ANK1: variants seen among roughly 807,000 people sequenced by gnomAD.
ANK1 encodes the protein ankyrin 1.
Under a neutral mutation model 210.4 loss-of-function variants are expected in ANK1, and 51 were observed. The observed-to-expected ratio is 0.24, with a 90% CI of 0.19 to 0.31. ANK1 has a LOEUF of 0.31. Among genes scored for constraint, ANK1 ranks in the 10% least tolerant of loss-of-function variants. ANK1 has a pLI of 1.00. For synonymous variants in ANK1, 967 were observed against 1,025.9 expected (o/e 0.94, Z 1.10); for missense variants, 2,051 against 2,504.4 (o/e 0.82, Z 3.86).
chr8:41,819,315 C>T (rs2150788045), intron 1 of ANK1, among the ~76,000 whole-genome samples: 1 of 152,320 alleles, frequency 6.6e-6, no homozygotes, highest in African/African-American at 2.4e-5. Context: ...ACTAGGATTA[C>T]AGGCTGAGCC....
rs1850598788 is a variant in ANK1 at position 41,804,264 on chromosome 8, T to C, written c.127-46127A>G. On this transcript the variant is annotated intron_variant, in intron 1 of 42. Transcript: ENST00000265709. The stretch of plus-strand genomic sequence containing the variant: ...TCCCATAGGGCTGCCAACCATCCTC[T>C]TACACTGCAGCTAGCTTTTCCCAGG... Among the ~76,000 whole-genome samples the C allele has an allele frequency of 2.0e-5, 3 of 152,164 alleles. No homozygotes were observed. In the South Asian group the frequency reaches 6.2e-4, roughly 32 times the overall value.
At chr8:41,705,086 G>C (rs1020112565) in intron 18 of ANK1, among the ~76,000 whole-genome samples, 4 of 152,250 alleles carry the variant, frequency 2.6e-5, no homozygotes, top group Non-Finnish European at 5.9e-5. Context: ...GCAAGGGCTT[G>C]GGACATTCGC....
chr8:41,802,596 C>G (rs756559430), upstream of ANK1, among the ~76,000 whole-genome samples: 3 of 152,100 alleles, frequency 2.0e-5, no homozygotes, highest in Non-Finnish European at 4.4e-5. Context: ...TTAATATTGT[C>G]CGCAATAAGT....
At chr8:41,716,893 C>T (rs1303168111) in intron 13 of ANK1, 60 bp downstream of exon 13, 9 of 1,544,194 alleles carry the variant, frequency 5.8e-6, no homozygotes, top group Non-Finnish European at 7.2e-6. Flanking sequence ...GATGGGTTCT[C>T]TGCACAGTGC....
At position 41,797,498 on chromosome 8, in the gene ANK1, C is replaced by T. The variant is rs1380817844; in HGVS notation, c.27+14G>A. 5 of 1,612,404 alleles carry T rather than the reference C, an allele frequency of 3.1e-6. No homozygotes were observed. The highest frequency in any genetic ancestry group is 4.2e-6 in the Non-Finnish European group (5 of 1,178,880). On this transcript the variant is annotated intron_variant, in intron 1 of 42. Coordinates refer to ENST00000289734, the MANE Select transcript of ANK1 (RefSeq NM_000037.4). The surrounding 1 kb of genome is among the most constrained non-coding windows in gnomAD (Gnocchi z 4.0). ...ACATCTCCCCGTCCACCCGAGCAGC[C>T]GCCCAGTACTCACTTCGCGGAAGCC...
Position 41,708,738 on chromosome 8 carries a change from A to G in ANK1, c.1998+40T>C. On this transcript the variant is annotated intron_variant, in intron 17 of 42. Coordinates refer to ENST00000289734, the MANE Select transcript of ANK1 (RefSeq NM_000037.4). ...CAATATGAAGACACCACACGTTGTT[A>G]TCCAGCACTCCAGGGCAGATCCGAA... The G allele has an allele frequency of 1.9e-6, 3 of 1,608,166 alleles. No individual in the cohort carries two copies. The South Asian group carries it at 3.3e-5, about 18-fold the overall frequency.
At chr8:41,838,037 G>C (rs1344237018) in intron 1 of ANK1, among the ~76,000 whole-genome samples, 1 of 152,122 alleles carries the variant, frequency 6.6e-6, no homozygotes, top group Admixed American at 6.5e-5. Flanking sequence ...CCTGCCATTT[G>C]TGGTCCCTCC....
upstream of ANK1, among the ~76,000 whole-genome samples, chr8:41,798,159 G>A (rs1256042361): frequency 6.6e-6 from 1 of 152,022 alleles, no homozygotes; most frequent in East Asian, 2.0e-4. Context: ...CCCTGTCGGC[G>A]CTGCGGGTGT....
intron 1 of ANK1, among the ~76,000 whole-genome samples, chr8:41,859,025 AGGTTCAGCTTGGTGCC>A (rs1812737596): frequency 6.6e-6 from 1 of 152,198 alleles, no homozygotes; most frequent in Non-Finnish European, 1.5e-5. Context: ...TGACCCCACC[AGGTTCAGCTTGGTGCC>A]GCAGGAGAGC....
intron 37 of ANK1, among the ~76,000 whole-genome samples, chr8:41,677,913 G>C: frequency 6.6e-6 from 1 of 152,060 alleles, no homozygotes; most frequent in East Asian, 1.9e-4. Context: ...TTTCTAATAA[G>C]AAATCTGATG....
chr8:41,676,247 T>C (rs1467218855), intron 37 of ANK1, among the ~76,000 whole-genome samples: 2 of 152,242 alleles, frequency 1.3e-5, no homozygotes, highest in Non-Finnish European at 2.9e-5. Context: ...TCACCAACAC[T>C]TGATATGGCC....
At chr8:41,854,952 GAAA>G (rs58277361) in intron 1 of ANK1, among the ~76,000 whole-genome samples, 3 of 129,488 alleles carry the variant, frequency 2.3e-5, no homozygotes, top group African/African-American at 8.1e-5. Context: ...TATCTCAAAA[GAAA>G]AAAAAAAAAA....
rs1340709036 is a variant in ANK1, at chr8:41,717,607, G to A, written c.1302C>T (p.Asn434=). The A allele has an allele frequency of 1.9e-5, 29 of 1,551,314 alleles. No homozygotes were observed. In the East Asian group the frequency reaches 4.9e-4, roughly 26 times the overall value. ...CCCTGCCTGCCTGAGGGCTTACCAC[G>A]TTGGAGACGTTGGGCGACGCCCCCC... ...LQRGASPNVS[N]VKVETPLHMA... Residue 434 remains asparagine (N), a synonymous_variant, in exon 12 of 43, where the codon AAC becomes AAT. Coordinates refer to ENST00000289734, the MANE Select transcript of ANK1 (RefSeq NM_000037.4).
intron 2 of ANK1, among the ~76,000 whole-genome samples, chr8:41,740,956 T>TC (rs1834640300): frequency 1.3e-5 from 2 of 152,028 alleles, no homozygotes; most frequent in African/African-American, 4.8e-5. Flanking sequence ...GGATCTCTGG[T>TC]CCCCAGGAGG....
intron 1 of ANK1, among the ~76,000 whole-genome samples, chr8:41,878,089 G>C (rs571694858): frequency 1.5e-4 from 23 of 152,186 alleles, no homozygotes; most frequent in Non-Finnish European, 3.4e-4. Context: ...GTCCACAGCG[G>C]TACCAGACAC....
intron 37 of ANK1, among the ~76,000 whole-genome samples, chr8:41,676,782 T>C (rs1814297037): frequency 6.6e-6 from 1 of 152,234 alleles, no homozygotes; most frequent in African/African-American, 2.4e-5. Flanking sequence ...TTCATTTCAG[T>C]TTAGATTTTT....
intron 33 of ANK1, among the ~76,000 whole-genome samples, chr8:41,689,296 A>ATT (rs35806325): frequency 1.2e-3 from 179 of 144,344 alleles, no homozygotes; most frequent in East Asian, 8.2e-3. Context: ...CTAATTTTTC[A>ATT]TTTTTTTTTT....
At chr8:41,814,031 T>G (rs902224433) in intron 1 of ANK1, among the ~76,000 whole-genome samples, 1 of 152,250 alleles carries the variant, frequency 6.6e-6, no homozygotes, top group Non-Finnish European at 1.5e-5. Context: ...AACAGATTCT[T>G]ATTACACTTA....
chr8:41,878,492 T>C (rs1318262605), intron 1 of ANK1, among the ~76,000 whole-genome samples: 2 of 152,172 alleles, frequency 1.3e-5, no homozygotes, highest in Non-Finnish European at 2.9e-5. Flanking sequence ...CCTCTGGACA[T>C]CCCAGAAGCC....
Sources: gnomAD v4.1 joint callset for allele counts (sites outside exome capture counted in the v4.1 genomes callset) on GRCh38, gnomAD v4.1.1 for gene constraint, Gnocchi (gnomAD v3.1) non-coding constraint, MANE v1.5 for transcripts, NCBI Gene and HGNC (gene_info 2026-07-23, HGNC 2026-07-21) for gene names.